CEP192: variants seen among roughly 807,000 people sequenced by gnomAD.
CEP192 encodes the protein centrosomal protein of 192 kDa.
In CEP192, 151 loss-of-function variants were observed where a neutral mutation model predicts 271.8. That is an observed-to-expected ratio of 0.56 (90% confidence interval 0.49 to 0.64). The LOEUF is 0.64. Ranked by LOEUF, CEP192 falls within the 30% of genes least tolerant of loss-of-function variation. The pLI, the probability that CEP192 is intolerant of heterozygous loss-of-function variation, is 0.00. For missense variants in CEP192, 2,910 were observed against 3,020.5 expected (o/e 0.96, Z 0.86); for synonymous variants, 995 against 1,076.5 (o/e 0.92, Z 1.48).
In CEP192 at chr18:13,038,389, A is replaced by G. The variant is rs1200062092; in HGVS notation, c.1619A>G (p.His540Arg). 3.9e-6 allele frequency: 6 copies of G among 1,551,444 alleles called. No homozygotes were observed. In the African/African-American group the frequency reaches 4.1e-5, roughly 11 times the overall value. The stretch of plus-strand genomic sequence containing the variant: ...CCCTAGGAAGAAAACATAGATGCTC[A>G]TAATACTTCGGTTGCACTGGGCGAT... ...QFIQEENIDAHNTSVALGDTS... is the reference protein window; with the variant it reads ...QFIQEENIDARNTSVALGDTS... The change falls in exon 13 of 45, where the codon CAT becomes CGT. Residue 540 changes from histidine (H) to arginine (R), a missense_variant. By Grantham distance (29) the His-to-Arg change is conservative (BLOSUM62 0). Transcript: ENST00000506447.
intron 15 of CEP192, among the ~76,000 whole-genome samples, chr18:13,042,606 A>G (rs926193229): frequency 3.9e-5 from 6 of 152,236 alleles, no homozygotes; most frequent in Admixed American, 1.3e-4. Context: ...GAAAGAGAAC[A>G]TTGCCAACAG....
rs1786263 is a variant in CEP192, at chr18:13,116,433, G to A, written c.7346G>A (p.Arg2449Gln). 3 of 1,611,830 alleles carry A rather than the reference G, an allele frequency of 1.9e-6. No homozygotes were observed. The highest frequency in any genetic ancestry group is 2.2e-5 in the East Asian group (1 of 44,800). Residue 2449 changes from arginine to glutamine, a missense_variant, in exon 43 of 45, where the codon CGG becomes CAG. Transcript: ENST00000506447. ...GCCCCAGAGGATGTGTACAGGTTCC[G>A]GCCGACTAGTGTGGGGGAATCACGG... ...VYAPEDVYRF[R>Q]PTSVGESRTL...
intron 15 of CEP192, among the ~76,000 whole-genome samples, chr18:13,044,144 A>G (rs1007603395): frequency 6.6e-6 from 1 of 152,120 alleles, no homozygotes; most frequent in Non-Finnish European, 1.5e-5. Flanking sequence ...ACACAATTGT[A>G]TTTGTTTTTT....
chr18:13,056,031 G>A lies in CEP192; in HGVS notation c.3441G>A (p.Leu1147=). ...ATCCTTCCTCCAAAAGTGGAAATCT[G>A]TTGGAAACCAGTGAGGTAGGTTGGA... The part of the protein sequence containing the change: ...SKDPSSKSGN[L]LETSEVGWTS... Residue 1147 remains leucine (L), a synonymous_variant, in exon 19 of 45, where the codon CTG becomes CTA. Transcript: ENST00000506447. 4 of 1,614,210 alleles carry A rather than the reference G, an allele frequency of 2.5e-6. No individual in the cohort carries two copies. The South Asian group carries it at 3.3e-5, about 13-fold the overall frequency.
intron 36 of CEP192, 151 bp from the exon 37 acceptor site, chr18:13,099,325 T>G (rs2039595101): frequency 1.9e-6 from 1 of 520,862 alleles, no homozygotes; most frequent in East Asian, 3.2e-5. Flanking sequence ...GTGGGAGCCA[T>G]GTGGGAGCCG....
At chr18:12,992,895 G>T (rs1236118434) in intron 1 of CEP192, among the ~76,000 whole-genome samples, 1 of 152,176 alleles carries the variant, frequency 6.6e-6, no homozygotes, top group Non-Finnish European at 1.5e-5. Context: ...TTGCATGAAT[G>T]ACCTTTGCAT....
At chr18:13,084,572 G>A (rs1315973986) in intron 30 of CEP192, among the ~76,000 whole-genome samples, 1 of 152,160 alleles carries the variant, frequency 6.6e-6, no homozygotes, top group Non-Finnish European at 1.5e-5. Context: ...CCGACCCCTT[G>A]TGCTTCCCGG....
rs776118265 is a variant in CEP192, at chr18:13,124,821, C to G, written c.*51C>G. On this transcript the variant is annotated 3_prime_UTR_variant, in exon 45 of 45. Transcript: ENST00000506447. ...AATTACATAAGTTGTATTTTGTTAA[C>G]TTTATCTTTCTACACTACAATTATG... 7.4e-7 allele frequency: 1 copy of G among 1,352,922 alleles called. No homozygotes were observed. The highest frequency in any genetic ancestry group is 1.0e-6 in the Non-Finnish European group (1 of 965,858). The allele number at this position is 1,352,922 out of a possible 1,614,324, so 83.8% of individuals were successfully genotyped here. A position where few individuals can be genotyped will look rare whatever the true frequency, so the allele number is the denominator to read the frequency against.
intron 44 of CEP192, among the ~76,000 whole-genome samples, chr18:13,122,257 A>G (rs557962121): frequency 6.6e-6 from 1 of 152,352 alleles, no homozygotes; most frequent in African/African-American, 2.4e-5. Context: ...CCCCGTCTCT[A>G]CTAAAAATAC....
chr18:13,122,798 A>G (rs1490783884), intron 44 of CEP192, among the ~76,000 whole-genome samples: 1 of 151,434 alleles, frequency 6.6e-6, no homozygotes, highest in Admixed American at 6.6e-5. Context: ...AGACCTCCCC[A>G]CTGGGTTCAG....
chr18:13,095,626 C>T lies in CEP192; in HGVS notation c.6378C>T (p.Ser2126=), dbSNP rs145382751. ...GCCCGCCTCTGGATCAGCTGGCCTCCGAAGAGCCGTGGACTGTCCTACCCG... is the reference window on the plus strand; with the variant it reads ...GCCCGCCTCTGGATCAGCTGGCCTCTGAAGAGCCGTGGACTGTCCTACCCG... ...AARPPLDQLA[S]EEPWTVLPEH... is the part of the protein sequence containing the mutation. Residue 2126 remains serine, a synonymous_variant, in exon 35 of 45, where the codon TCC becomes TCT. Transcript: ENST00000506447. The T allele has an allele frequency of 3.5e-5, 56 of 1,614,084 alleles. No individual in the cohort carries two copies. Among genetic ancestry groups the T allele is most frequent in the Non-Finnish European group, 4.1e-5 (48 of 1,180,050 alleles).
At chr18:13,080,457 G>C (rs1286352073) in intron 30 of CEP192, among the ~76,000 whole-genome samples, 1 of 152,086 alleles carries the variant, frequency 6.6e-6, no homozygotes, top group Non-Finnish European at 1.5e-5. Flanking sequence ...TTGGTGTATA[G>C]GAATGCTTGT....
intron 14 of CEP192, among the ~76,000 whole-genome samples, chr18:13,041,599 A>G (rs2036209086): frequency 6.9e-6 from 1 of 143,920 alleles, no homozygotes; most frequent in Admixed American, 7.0e-5. Flanking sequence ...TTTTTTTGAG[A>G]CAGAGTCTCT....
At chr18:13,095,831 A>G (rs559713680) in intron 35 of CEP192, 150 bp downstream of exon 35, 64 of 707,626 alleles carry the variant, frequency 9.0e-5, no homozygotes, top group Admixed American at 2.4e-4. Context: ...TGGAGACCCC[A>G]CTCAGACTTG....
At chr18:13,093,197 A>G (rs929968549) in intron 34 of CEP192, among the ~76,000 whole-genome samples, 2 of 152,192 alleles carry the variant, frequency 1.3e-5, no homozygotes, top group Admixed American at 6.6e-5. Context: ...CTGCATAGCC[A>G]TGGAAAACTC....
At chr18:13,116,322 G>A in intron 42 of CEP192, 55 bp from the exon 43 acceptor site, 3 of 1,558,780 alleles carry the variant, frequency 1.9e-6, no homozygotes, top group Admixed American at 3.8e-5. Context: ...TATAAAAACA[G>A]TTTAAGTTAC....
At chr18:13,122,400 A>G (rs1460597016) in intron 44 of CEP192, among the ~76,000 whole-genome samples, 2 of 150,906 alleles carry the variant, frequency 1.3e-5, no homozygotes, top group East Asian at 2.0e-4. Flanking sequence ...CCAGCCTGGC[A>G]AAAGAGCGAG....
At chr18:13,066,406 C>G (rs540404587) in intron 21 of CEP192, among the ~76,000 whole-genome samples, 4 of 152,098 alleles carry the variant, frequency 2.6e-5, no homozygotes, top group African/African-American at 9.7e-5. Flanking sequence ...GCTGAGTCTT[C>G]CTGATTTTCT....
At chr18:13,053,201 T>G in intron 18 of CEP192, 111 bp downstream of exon 18, 1 of 879,916 alleles carries the variant, frequency 1.1e-6, no homozygotes, top group Non-Finnish European at 1.7e-6. Context: ...TGTTGCTCTT[T>G]TATCTTTAAA....
Sources: allele counts gnomAD v4.1 joint callset (sites outside exome capture counted in the v4.1 genomes callset), GRCh38; gene constraint gnomAD v4.1.1; transcripts MANE v1.5; gene names NCBI Gene and HGNC (gene_info 2026-07-23, HGNC 2026-07-21).